Variants in PPP1R1C observed in about 807,000 individuals in gnomAD.
PPP1R1C encodes protein phosphatase 1 regulatory inhibitor subunit 1C.
Under a neutral mutation model 17.4 loss-of-function variants are expected in PPP1R1C, and 15 were observed. The observed-to-expected ratio is 0.86, with a 90% confidence interval of 0.58 to 1.33. The LOEUF (loss-of-function observed/expected upper bound fraction) is 1.33. Among genes scored for constraint, PPP1R1C ranks in the 40% most tolerant of loss-of-function variants. PPP1R1C has a pLI of 0.00. For missense variants in PPP1R1C, 143 were observed against 130.0 expected, an observed-to-expected ratio of 1.10 and a Z score of -0.48; for synonymous variants, 35 against 43.1, an observed-to-expected ratio of 0.81 and a Z score of 0.73.
chr2:181,996,245 T>G (rs753769958), intron 2 of PPP1R1C, among the ~76,000 whole-genome samples: 8 of 152,152 alleles, frequency 5.3e-5, no homozygotes, highest in Non-Finnish European at 7.4e-5. Flanking sequence ...TTAGAAAAAT[T>G]GCCTACCTGG....
intron 2 of PPP1R1C, among the ~76,000 whole-genome samples, chr2:181,979,289 G>T (rs1228434617): frequency 6.6e-6 from 1 of 152,106 alleles, no homozygotes; most frequent in Admixed American, 6.5e-5. Flanking sequence ...GTTCATCATT[G>T]TTCCAACTCT....
downstream of PPP1R1C, among the ~76,000 whole-genome samples, chr2:182,122,555 T>C (rs2125241052): frequency 6.6e-6 from 1 of 152,108 alleles, no homozygotes; most frequent in African/African-American, 2.4e-5. Context: ...TAGTTTTTTG[T>C]TTTTTTGAGG....
At chr2:182,031,199 G>T (rs531155400) in intron 2 of PPP1R1C, among the ~76,000 whole-genome samples, 1 of 152,320 alleles carries the variant, frequency 6.6e-6, no homozygotes, top group East Asian at 1.9e-4. Context: ...GGGAGCTGTA[G>T]ACCGGAGCTG....
At chr2:181,980,636 A>G (rs1032097404) in intron 2 of PPP1R1C, among the ~76,000 whole-genome samples, 1 of 152,214 alleles carries the variant, frequency 6.6e-6, no homozygotes, top group African/African-American at 2.4e-5. Flanking sequence ...CATGGCTAAT[A>G]TGGACTTGCT....
At chr2:181,991,097 G>T (rs891322431) in intron 2 of PPP1R1C, among the ~76,000 whole-genome samples, 4 of 140,796 alleles carry the variant, frequency 2.8e-5, no homozygotes, top group Non-Finnish European at 4.5e-5. Context: ...ACTGTTAAAT[G>T]GATTAGACAT....
chr2:181,961,107 G>C lies in PPP1R1C; in HGVS notation n.111+6473G>C. On this transcript the variant is annotated intron_variant and non_coding_transcript_variant, in intron 1 of 5. Coordinates refer to the PPP1R1C transcript ENST00000464264. The surrounding 1 kb of genome is among the most constrained non-coding windows in gnomAD (Gnocchi z 5.8). ...GAGCGTGTGTCACATCATCATAGCA[G>C]TTTTCTTGTCTTCCTTCCCTCCCTT... 1.7e-6 allele frequency: 1 copy of C among 590,964 alleles called. No individual in the cohort carries two copies. Among genetic ancestry groups the C allele is most frequent in the Non-Finnish European group, 3.0e-6 (1 of 328,048 alleles). 36.6% of individuals were successfully genotyped at this position (590,964 alleles called of 1,614,324 possible). A position where few individuals can be genotyped will look rare whatever the true frequency, so the allele number is the denominator to read the frequency against.
chr2:181,982,967 G>A (rs1367921662), upstream of PPP1R1C, among the ~76,000 whole-genome samples: 1 of 152,110 alleles, frequency 6.6e-6, no homozygotes, highest in African/African-American at 2.4e-5. Context: ...TCCTTTTTCA[G>A]TCAGTTTGGT....
intron 2 of PPP1R1C, among the ~76,000 whole-genome samples, chr2:182,002,608 GT>G (rs1685798601): frequency 6.6e-6 from 1 of 151,812 alleles, no homozygotes; most frequent in Non-Finnish European, 1.5e-5. Flanking sequence ...CATAATCTTG[GT>G]TAAATGTCTG....
chr2:182,032,924 C>G (rs1285826918), intron 2 of PPP1R1C, among the ~76,000 whole-genome samples: 1 of 152,156 alleles, frequency 6.6e-6, no homozygotes, highest in South Asian at 2.1e-4. Context: ...TCATCTTCTG[C>G]CCTTCAGAGA....
At chr2:182,029,116 G>A (rs1686724928) in intron 2 of PPP1R1C, among the ~76,000 whole-genome samples, 1 of 142,278 alleles carries the variant, frequency 7.0e-6, no homozygotes, top group African/African-American at 2.6e-5. Context: ...CTCGGCATGT[G>A]AGATGGGTTT....
chr2:182,086,975 C>T (rs1225648483), intron 4 of PPP1R1C, among the ~76,000 whole-genome samples: 1 of 151,752 alleles, frequency 6.6e-6, no homozygotes, highest in Non-Finnish European at 1.5e-5. Flanking sequence ...TTAATGGCCT[C>T]TTCATCCTTC....
intron 2 of PPP1R1C, among the ~76,000 whole-genome samples, chr2:182,014,977 G>T (rs73038905): frequency 5.9e-4 from 90 of 152,138 alleles, no homozygotes; most frequent in African/African-American, 2.1e-3. Context: ...GGCGGGTGCG[G>T]AAATGCTGTC....
chr2:181,955,151 A>G (rs1020538652), intron 1 of PPP1R1C, among the ~76,000 whole-genome samples: 10 of 152,238 alleles, frequency 6.6e-5, no homozygotes, highest in Admixed American at 1.3e-4. Context: ...CTCACAGGAA[A>G]TGCCAAATCT....
At chr2:182,013,319 A>AT (rs768936049) in intron 2 of PPP1R1C, among the ~76,000 whole-genome samples, 1 of 151,754 alleles carries the variant, frequency 6.6e-6, no homozygotes, top group South Asian at 2.1e-4. Flanking sequence ...AAAAGTTTGC[A>AT]TTTTTTCCCC....
chr2:182,070,112 G>A (rs1299410434), intron 4 of PPP1R1C, among the ~76,000 whole-genome samples: 1 of 152,174 alleles, frequency 6.6e-6, no homozygotes, highest in Non-Finnish European at 1.5e-5. Flanking sequence ...GAGATGGGAG[G>A]AGACTCGCCA....
chr2:181,980,113 G>T (rs1685166743), intron 2 of PPP1R1C, among the ~76,000 whole-genome samples: 1 of 151,966 alleles, frequency 6.6e-6, no homozygotes, highest in Admixed American at 6.6e-5. Context: ...TATTGTATTT[G>T]TGTTTGTATC....
chr2:182,041,725 A>T (rs966493277), intron 2 of PPP1R1C, among the ~76,000 whole-genome samples: 3 of 152,072 alleles, frequency 2.0e-5, no homozygotes, highest in Non-Finnish European at 4.4e-5. Flanking sequence ...AAAGCAAAAA[A>T]ATTATCATAG....
In PPP1R1C at chr2:181,962,791, A is replaced by G. The variant is rs919176820; in HGVS notation, n.111+8157A>G. Among the ~76,000 whole-genome samples the G allele has an allele frequency of 3.3e-5, 5 of 152,124 alleles. No individual in the cohort carries two copies. The highest frequency in any genetic ancestry group is 6.5e-5 in the Admixed American group (1 of 15,278). On this transcript the variant is annotated intron_variant and non_coding_transcript_variant, in intron 1 of 5. Transcript: ENST00000464264. The surrounding 1 kb of genome is among the most constrained non-coding windows in gnomAD (Gnocchi z 6.0). Reference sequence around the variant, plus strand: ...CTTTTGTATGAGACTGTGGCTGGAGATAAAGGAAAGCGGAGCCTGAGCTAA... The same window carrying G: ...CTTTTGTATGAGACTGTGGCTGGAGGTAAAGGAAAGCGGAGCCTGAGCTAA...
intron 1 of PPP1R1C, among the ~76,000 whole-genome samples, chr2:181,973,252 G>A (rs1295062379): frequency 6.6e-6 from 1 of 151,868 alleles, no homozygotes; most frequent in African/African-American, 2.4e-5. Context: ...GCTTTTACTG[G>A]AAGTGACTCA....
Sources: gnomAD v4.1 joint callset for allele counts (sites outside exome capture counted in the v4.1 genomes callset) on GRCh38, gnomAD v4.1.1 for gene constraint, Gnocchi (gnomAD v3.1) non-coding constraint, MANE v1.5 for transcripts, NCBI Gene and HGNC (gene_info 2026-07-23, HGNC 2026-07-21) for gene names.